The following KLK5 variants were observed in gnomAD, a reference collection of about 807,000 sequenced individuals.
KLK5 encodes kallikrein-5.
KLK5 carries 18 observed loss-of-function variants against 24.0 expected under a neutral mutation model. The ratio of observed to expected loss-of-function variants is 0.75; its 90% confidence interval spans 0.52 to 1.11. KLK5 has a LOEUF of 1.11. Among genes scored for constraint, KLK5 ranks in the 50% most tolerant of loss-of-function variants. The pLI is 0.00. For missense variants in KLK5, 374 were observed against 379.2 expected, an observed-to-expected ratio of 0.99 and a Z score of 0.11; for synonymous variants, 140 against 154.0, an observed-to-expected ratio of 0.91 and a Z score of 0.67.
intron 2 of KLK5, 21 bp from the exon 3 acceptor site, chr19:50,950,137 GGGCGGGGCTC>G: frequency 6.2e-7 from 1 of 1,603,972 alleles, no homozygotes. Context: ...AAAATGGGTT[GGGCGGGGCTC>G]AGAGGCGGGG....
In KLK5 at chr19:50,948,656, C is replaced by A. The variant is rs920664650; in HGVS notation, c.710G>T (p.Gly237Val). 5 of 1,614,124 alleles carry A rather than the reference C, an allele frequency of 3.1e-6. No homozygotes were observed. The highest frequency in any genetic ancestry group is 3.4e-6 in the Non-Finnish European group (4 of 1,180,036). Residue 237 changes from glycine to valine, a missense_variant, in exon 5 of 6, where the codon GGT becomes GTT. Coordinates refer to ENST00000336334, the MANE Select transcript of KLK5 (RefSeq NM_012427.5). ...DTMFCAGDKA[G>V]RDSCQGDSGG... ...TGTCCTCACCTGGCAGGAGTCTCTA[C>A]CTGCTTTGTCACCGGCGCAGAACAT...
intron 3 of KLK5, 139 bp downstream of exon 3, chr19:50,949,716 C>T: frequency 1.8e-6 from 1 of 570,052 alleles, no homozygotes; most frequent in Non-Finnish European, 2.7e-6. Context: ...CCCCACCAAC[C>T]CTCACCTTCC....
intron 5 of KLK5, among the ~76,000 whole-genome samples, chr19:50,946,446 A>T (rs1337171978): frequency 6.6e-6 from 1 of 152,238 alleles, no homozygotes; most frequent in Non-Finnish European, 1.5e-5. Flanking sequence ...CACCGGTATG[A>T]AAAAACAAAC....
At chr19:50,945,947 G>A (rs974647560) in intron 5 of KLK5, among the ~76,000 whole-genome samples, 1 of 152,194 alleles carries the variant, frequency 6.6e-6, no homozygotes, top group Non-Finnish European at 1.5e-5. Flanking sequence ...CTGAGCTCAA[G>A]TGATCTTCCC....
At chr19:50,945,233 C>G (rs1276291633) in intron 5 of KLK5, among the ~76,000 whole-genome samples, 4 of 151,362 alleles carry the variant, frequency 2.6e-5, no homozygotes, top group Non-Finnish European at 5.9e-5. Context: ...CTCAGCCTCC[C>G]AAGTAGCTGG....
In KLK5 at chr19:50,948,624, A is replaced by G; in HGVS notation, c.726+16T>C. The stretch of plus-strand genomic sequence containing the variant: ...CACTCAGTGTGTATCTGCTGAATAA[A>G]GAGAGGTGTCCTCACCTGGCAGGAG... On this transcript the variant is annotated intron_variant, in intron 5 of 5. Transcript: ENST00000336334. The G allele has an allele frequency of 6.2e-7, 1 of 1,614,034 alleles. No homozygotes were observed. Among genetic ancestry groups the G allele is most frequent in the Non-Finnish European group, 8.5e-7 (1 of 1,179,912 alleles).
intron 3 of KLK5, 92 bp downstream of exon 3, chr19:50,949,763 C>T (rs1316840316): frequency 1.1e-6 from 1 of 880,036 alleles, no homozygotes; most frequent in Non-Finnish European, 1.6e-6. Context: ...TCCCCACCAG[C>T]CCTCACCTCC....
At position 50,949,045 on chromosome 19, in the gene KLK5, C is replaced by A. The variant is rs1314496136; in HGVS notation, c.406G>T (p.Gly136Trp). Residue 136 changes from glycine (G) to tryptophan (W), a missense_variant, in exon 4 of 6, where the codon GGG (glycine) becomes TGG (tryptophan). Physicochemically the swap from Gly to Trp is radical, Grantham distance 184 (BLOSUM62 -2). Coordinates refer to ENST00000336334, the MANE Select transcript of KLK5 (RefSeq NM_012427.5). The part of the protein sequence containing the change: ...VYESGQQMFQ[G>W]VKSIPHPGYS... ...CCAGGGTGGGGGATGGATTTGACCC[C>A]CTGGAACATCTGCTGCCCAGATTCA... The A allele has an allele frequency of 6.2e-7, 1 of 1,613,760 alleles. No homozygotes were observed. Among genetic ancestry groups the A allele is most frequent in the Admixed American group, 1.7e-5 (1 of 59,980 alleles).
intron 2 of KLK5, among the ~76,000 whole-genome samples, chr19:50,952,014 C>G (rs1253930684): frequency 6.6e-6 from 1 of 151,966 alleles, no homozygotes; most frequent in East Asian, 1.9e-4. Flanking sequence ...CAGTCACATA[C>G]AGTCACCCCT....
Position 50,943,751 on chromosome 19 carries a change from G to A in KLK5, c.762C>T (p.Ser254=). ...CTCCCCAGGACACGAGTCCCTGCAG[G>A]GAGCCATTGCAGACCACAGGCCCCC... ...DSGGPVVCNG[S]LQGLVSWGDY... The change falls in exon 6 of 6, where the codon TCC becomes TCT. Residue 254 remains serine, a synonymous_variant. Transcript: ENST00000336334. The A allele has an allele frequency of 1.2e-6, 2 of 1,613,886 alleles. No homozygotes were observed. Among genetic ancestry groups the A allele is most frequent in the South Asian group, 1.1e-5 (1 of 91,062 alleles).
intron 5 of KLK5, among the ~76,000 whole-genome samples, chr19:50,946,051 G>A (rs2090630763): frequency 6.6e-6 from 1 of 152,194 alleles, no homozygotes; most frequent in Non-Finnish European, 1.5e-5. Context: ...GAATTACAGA[G>A]TCCTGGTATC....
chr19:50,946,653 G>C (rs945738640), intron 5 of KLK5, among the ~76,000 whole-genome samples: 1 of 151,670 alleles, frequency 6.6e-6, no homozygotes, highest in South Asian at 2.1e-4. Context: ...TCCGCCTCCC[G>C]GGTTCAGGCC....
At chr19:50,950,456 C>T in intron 2 of KLK5, 1 of 400,900 alleles carries the variant, frequency 2.5e-6, no homozygotes. Context: ...GGGAGGGAGA[C>T]CAGGGCTTTA....
intron 2 of KLK5, 111 bp from the exon 3 acceptor site, chr19:50,950,227 G>A (rs1032313484): frequency 7.9e-6 from 8 of 1,018,666 alleles, no homozygotes; most frequent in African/African-American, 6.3e-5. Context: ...GACATGCTGA[G>A]GGGGCAGGGG....
At chr19:50,946,298 G>A (rs1034313221) in intron 5 of KLK5, among the ~76,000 whole-genome samples, 2 of 152,234 alleles carry the variant, frequency 1.3e-5, no homozygotes, top group Non-Finnish European at 2.9e-5. Context: ...ATGAGTTAAT[G>A]AGCTGAGGCA....
At chr19:50,946,402 G>A (rs961623639) in intron 5 of KLK5, among the ~76,000 whole-genome samples, 1 of 151,754 alleles carries the variant, frequency 6.6e-6, no homozygotes, top group African/African-American at 2.4e-5. Context: ...ATTATTTCTT[G>A]CTTGTAGCTT....
rs1281221851 is a variant in KLK5, at chr19:50,950,692, G to C, written c.74-576C>G. Among the ~76,000 whole-genome samples, 6 of 152,204 alleles carry C rather than the reference G, an allele frequency of 3.9e-5. No individual in the cohort carries two copies. The South Asian group carries it at 1.2e-3, about 32-fold the overall frequency. ...GGATCACCTGAGGTTGGGAGTTTGAGACCAGCCTGGCCAACAAGGTGAAAC... is the reference window on the plus strand; with the variant it reads ...GGATCACCTGAGGTTGGGAGTTTGACACCAGCCTGGCCAACAAGGTGAAAC... On this transcript the variant is annotated intron_variant, in intron 2 of 5. Coordinates refer to ENST00000336334, the MANE Select transcript of KLK5 (RefSeq NM_012427.5).
intron 3 of KLK5, 56 bp downstream of exon 3, chr19:50,949,799 A>AC: frequency 1.5e-4 from 11 of 73,118 alleles, no homozygotes; most frequent in African/African-American, 2.4e-4. Flanking sequence ...CCACTTCCCC[A>AC]CCCCCACCCC....
At position 50,945,066 on chromosome 19, in the gene KLK5, CCT is replaced by C. The variant is rs1568526307; in HGVS notation, c.727-1282_727-1281del. 6.6e-4 allele frequency among the ~76,000 whole-genome samples: 95 copies of C among 144,060 alleles called. 1 individual carries two copies. The East Asian group carries it at 0.014, about 22-fold the overall frequency. The allele number at this position is 144,060 out of a possible 152,430, so 94.5% of individuals were successfully genotyped here. On this transcript the variant is annotated intron_variant, in intron 5 of 5. Coordinates refer to ENST00000336334, the MANE Select transcript of KLK5 (RefSeq NM_012427.5). ...CTCCTTCCTTCCTTTCTTTCTCCTT[CCT>C]TCCTTCCTTTCTCTCTCCTTCCTCC...
Sources: gnomAD v4.1 joint callset for allele counts (sites outside exome capture counted in the v4.1 genomes callset) on GRCh38, gnomAD v4.1.1 for gene constraint, MANE v1.5 for transcripts, NCBI Gene and HGNC (gene_info 2026-07-23, HGNC 2026-07-21) for gene names.